The following DGKB variants were observed in gnomAD, a reference collection of about 807,000 sequenced individuals.
DGKB encodes the protein 90 kDa diacylglycerol kinase.
Under a neutral mutation model 114.3 loss-of-function variants are expected in DGKB, and 67 were observed. The observed-to-expected ratio is 0.59, with a 90% CI of 0.48 to 0.72. The LOEUF (loss-of-function observed/expected upper bound fraction) is 0.72, where lower values mean the gene tolerates loss of function less well. Among genes scored for constraint, DGKB ranks in the 30% least tolerant of loss-of-function variants. The pLI is 0.00. For synonymous variants in DGKB, 398 were observed against 323.1 expected (o/e 1.23, Z -2.49); for missense variants, 907 against 975.2 (o/e 0.93, Z 0.93).
chr7:14,850,638 G>A (rs945249175), intron 1 of DGKB, among the ~76,000 whole-genome samples: 2 of 152,142 alleles, frequency 1.3e-5, no homozygotes, highest in Admixed American at 1.3e-4. Flanking sequence ...GAGTTAGGAG[G>A]AAATGATGGG....
intron 21 of DGKB, among the ~76,000 whole-genome samples, chr7:14,434,495 G>A (rs926126614): frequency 2.8e-4 from 42 of 152,092 alleles, no homozygotes; most frequent in African/African-American, 8.9e-4. Flanking sequence ...TCAGCCTGGC[G>A]TTGCTGGCTT....
chr7:14,482,824 T>G (rs927868007), intron 20 of DGKB, among the ~76,000 whole-genome samples: 2 of 152,132 alleles, frequency 1.3e-5, no homozygotes, highest in African/African-American at 4.8e-5. Flanking sequence ...GTTAATATTT[T>G]TAAAGAAAAT....
At chr7:14,890,195 T>C (rs1780966199) in intron 1 of DGKB, among the ~76,000 whole-genome samples, 1 of 151,546 alleles carries the variant, frequency 6.6e-6, no homozygotes. Flanking sequence ...AGTATATTTT[T>C]TAGGTCACAG....
Position 14,633,398 on chromosome 7 carries a change from A to G in DGKB, c.1135-3130T>C, listed in dbSNP as rs56101357. Reference sequence around the variant, plus strand: ...CTTCTGAGAGCAACACTAGAAATTTACTCCAAGAATAAGAGTGACAAAACC... The same window carrying G: ...CTTCTGAGAGCAACACTAGAAATTTGCTCCAAGAATAAGAGTGACAAAACC... On this transcript the variant is annotated intron_variant, in intron 13 of 25. Transcript: ENST00000402815. Among the ~76,000 whole-genome samples the G allele has an allele frequency of 3.9e-3, 588 of 152,002 alleles. 1 individual carries two copies. The highest frequency in any genetic ancestry group is 0.013 in the African/African-American group (536 of 41,544).
At chr7:14,658,425 G>A (rs1253140893) in intron 13 of DGKB, among the ~76,000 whole-genome samples, 2 of 151,882 alleles carry the variant, frequency 1.3e-5, no homozygotes, top group Non-Finnish European at 2.9e-5. Context: ...GAGTTTGCAT[G>A]TTTGTGGAGT....
chr7:14,756,401 G>T (rs1834873315), intron 3 of DGKB, among the ~76,000 whole-genome samples: 1 of 151,706 alleles, frequency 6.6e-6, no homozygotes, highest in Non-Finnish European at 1.5e-5. Flanking sequence ...AAATACAAGG[G>T]AAATGTAGGT....
At chr7:14,357,662 C>T (rs1391148976) in intron 21 of DGKB, among the ~76,000 whole-genome samples, 2 of 151,802 alleles carry the variant, frequency 1.3e-5, no homozygotes, top group African/African-American at 2.4e-5. Flanking sequence ...GTTATTTTGC[C>T]CGTTAGTTGA....
chr7:14,365,916 A>G (rs1816599717), intron 21 of DGKB, among the ~76,000 whole-genome samples: 1 of 152,116 alleles, frequency 6.6e-6, no homozygotes, highest in Non-Finnish European at 1.5e-5. Context: ...CAGATACTTG[A>G]AGAATTTGAT....
chr7:14,440,934 T>G (rs1830004127), intron 21 of DGKB, among the ~76,000 whole-genome samples: 1 of 152,060 alleles, frequency 6.6e-6, no homozygotes, highest in Non-Finnish European at 1.5e-5. Flanking sequence ...AAGTATCAGC[T>G]CTTATTTTTA....
intron 4 of DGKB, among the ~76,000 whole-genome samples, chr7:14,742,048 A>G (rs1832661190): frequency 1.3e-5 from 2 of 152,210 alleles, no homozygotes; most frequent in African/African-American, 4.8e-5. Context: ...ACCCTAAGAT[A>G]ATTTCTGATG....
intron 1 of DGKB, among the ~76,000 whole-genome samples, chr7:14,962,625 T>G (rs1010971494): frequency 1.4e-4 from 20 of 144,202 alleles, no homozygotes; most frequent in Admixed American, 2.8e-4. Context: ...TAGCTGTGTG[T>G]GTGTGTGTGT....
chr7:14,623,107 T>C (rs1321825370), intron 14 of DGKB, among the ~76,000 whole-genome samples: 2 of 152,192 alleles, frequency 1.3e-5, no homozygotes, highest in East Asian at 1.9e-4. Flanking sequence ...AAAGTCAGGA[T>C]AAATCAAGAA....
intron 2 of DGKB, among the ~76,000 whole-genome samples, chr7:14,763,465 A>T (rs540483889): frequency 1.4e-4 from 22 of 152,266 alleles, no homozygotes; most frequent in Admixed American, 3.3e-4. Flanking sequence ...TTAACACATG[A>T]AGAAATCAAA....
intron 23 of DGKB, among the ~76,000 whole-genome samples, chr7:14,257,546 AC>A (rs1223102349): frequency 1.3e-5 from 2 of 151,956 alleles, no homozygotes; most frequent in Non-Finnish European, 2.9e-5. Context: ...AGAGGCTGTT[AC>A]CCCCATGCTG....
chr7:14,357,504 T>C (rs1331567716), intron 21 of DGKB, among the ~76,000 whole-genome samples: 2 of 152,186 alleles, frequency 1.3e-5, no homozygotes, highest in African/African-American at 2.4e-5. Flanking sequence ...GCACGTGAGA[T>C]GGGTCTCCTG....
chr7:14,915,311 G>A (rs1225532226), intron 1 of DGKB, among the ~76,000 whole-genome samples: 1 of 152,126 alleles, frequency 6.6e-6, no homozygotes, highest in African/African-American at 2.4e-5. Context: ...CCAGGAATTC[G>A]AGGCTTCAGT....
intron 23 of DGKB, among the ~76,000 whole-genome samples, chr7:14,248,713 T>C (rs1489199653): frequency 6.6e-6 from 1 of 152,162 alleles, no homozygotes; most frequent in East Asian, 1.9e-4. Context: ...GCAATACTAT[T>C]CAATTCATTT....
chr7:14,668,853 AT>A (rs1418727121), intron 13 of DGKB, among the ~76,000 whole-genome samples: 1 of 152,002 alleles, frequency 6.6e-6, no homozygotes, highest in Non-Finnish European at 1.5e-5. Flanking sequence ...TGTACATCAC[AT>A]TTGCCAAAAG....
At chr7:14,437,644 G>C (rs1327749093) in intron 21 of DGKB, among the ~76,000 whole-genome samples, 1 of 151,826 alleles carries the variant, frequency 6.6e-6, no homozygotes, top group Admixed American at 6.6e-5. Flanking sequence ...TTTGCATCTT[G>C]AAAGGGAATC....
Sources: gnomAD v4.1 joint callset for allele counts (sites outside exome capture counted in the v4.1 genomes callset) on GRCh38, gnomAD v4.1.1 for gene constraint, MANE v1.5 for transcripts, NCBI Gene and HGNC (gene_info 2026-07-23, HGNC 2026-07-21) for gene names.